Variants in SGCG observed in about 807,000 individuals in gnomAD.
The protein encoded by SGCG is sarcoglycan gamma.
In SGCG, 26 loss-of-function variants were observed where a neutral mutation model predicts 29.3. That is an observed-to-expected ratio of 0.89 (90% CI 0.65 to 1.23). SGCG has a LOEUF of 1.23. Ranked by LOEUF, SGCG falls within the 50% of genes most tolerant of loss-of-function variation. The probability of loss-of-function intolerance (pLI) is 0.00; values close to 1 mark genes in which losing one functional copy is unlikely to be tolerated. For missense variants in SGCG, 353 were observed against 356.0 expected (o/e 0.99, Z 0.07); for synonymous variants, 145 against 129.7 (o/e 1.12, Z -0.80).
chr13:23,321,015 AC>A (rs1883016119), intron 7 of SGCG, among the ~76,000 whole-genome samples: 1 of 151,894 alleles, frequency 6.6e-6, no homozygotes, highest in Admixed American at 6.6e-5. Context: ...TGATTTAGTG[AC>A]TTGTTATTTT....
At chr13:23,208,524 A>G (rs746716635) in intron 2 of SGCG, among the ~76,000 whole-genome samples, 3 of 152,154 alleles carry the variant, frequency 2.0e-5, no homozygotes, top group Non-Finnish European at 4.4e-5. Flanking sequence ...AAGAGAATAA[A>G]TCTGAATTCA....
chr13:23,162,198 AT>A, the SGCG span, among the ~76,000 whole-genome samples: 151 of 152,356 alleles, frequency 9.9e-4, 1 homozygote, highest in East Asian at 0.028. Flanking sequence ...ATTTAAGATC[AT>A]TTTTATTTAA....
chr13:23,200,870 C>G (rs1020361931), intron 1 of SGCG, among the ~76,000 whole-genome samples: 1 of 152,024 alleles, frequency 6.6e-6, no homozygotes, highest in African/African-American at 2.4e-5. Context: ...TTGGGGGACT[C>G]CTGGCCGAGT....
Position 23,260,986 on chromosome 13 carries a change from A to G in SGCG, c.385+10269A>G, listed in dbSNP as rs531613418. Among the ~76,000 whole-genome samples, 4 of 151,906 alleles carry G rather than the reference A, an allele frequency of 2.6e-5. No homozygotes were observed. The South Asian group carries it at 8.3e-4, about 32-fold the overall frequency. On this transcript the variant is annotated intron_variant, in intron 4 of 7. Transcript: ENST00000218867. ...CGTTAACATTTTTTCCTTCATTTCA[A>G]CCTTGGTGAATCTGACAATTATGTG...
intron 5 of SGCG, among the ~76,000 whole-genome samples, chr13:23,284,550 AT>A (rs1881425837): frequency 6.6e-6 from 1 of 152,106 alleles, no homozygotes; most frequent in African/African-American, 2.4e-5. Flanking sequence ...GGGTTATAAC[AT>A]GCTCCTTTAG....
chr13:23,181,995 G>A (rs928787307), intron 1 of SGCG, among the ~76,000 whole-genome samples: 1 of 152,082 alleles, frequency 6.6e-6, no homozygotes, highest in African/African-American at 2.4e-5. Context: ...TCGTTTTATA[G>A]GTTCTAGGAT....
intron 1 of SGCG, among the ~76,000 whole-genome samples, chr13:23,201,592 T>C (rs923798912): frequency 7.9e-5 from 12 of 152,180 alleles, no homozygotes; most frequent in Admixed American, 1.3e-4. Context: ...CCCTCCACCC[T>C]CCAGAAAAAC....
intron 6 of SGCG, among the ~76,000 whole-genome samples, chr13:23,317,947 A>G (rs1882887501): frequency 6.6e-6 from 1 of 152,140 alleles, no homozygotes; most frequent in African/African-American, 2.4e-5. Flanking sequence ...ACCCACCCTT[A>G]ATTGGGTGGG....
intron 1 of SGCG, among the ~76,000 whole-genome samples, chr13:23,191,177 A>G (rs553653842): frequency 5.9e-5 from 9 of 152,316 alleles, no homozygotes; most frequent in Admixed American, 2.6e-4. Context: ...GAGATCAGCC[A>G]TAGTAATTCC....
intron 4 of SGCG, among the ~76,000 whole-genome samples, chr13:23,275,145 A>ATATATATATAT (rs1462954999): frequency 5.4e-5 from 8 of 148,482 alleles, no homozygotes; most frequent in South Asian, 2.1e-4. Flanking sequence ...ATATATATAG[A>ATATATATATAT]AATGAGGACG....
At chr13:23,179,552 T>C (rs1876663665), upstream of SGCG, among the ~76,000 whole-genome samples, 1 of 152,210 alleles carries the variant, frequency 6.6e-6, no homozygotes, top group African/African-American at 2.4e-5. Flanking sequence ...CAAAAATACA[T>C]TTCATATCAT....
chr13:23,249,497 A>C (rs1190280241), intron 3 of SGCG, among the ~76,000 whole-genome samples: 1 of 152,226 alleles, frequency 6.6e-6, no homozygotes, highest in Non-Finnish European at 1.5e-5. Context: ...TTTTATTCAT[A>C]TCTAACTTCA....
intron 4 of SGCG, among the ~76,000 whole-genome samples, chr13:23,278,453 A>C (rs1881174441): frequency 6.6e-6 from 1 of 151,996 alleles, no homozygotes; most frequent in Non-Finnish European, 1.5e-5. Flanking sequence ...CAAAAAAAAA[A>C]AAAAAAAGAA....
intron 5 of SGCG, among the ~76,000 whole-genome samples, chr13:23,283,303 G>A (rs1248189010): frequency 6.6e-6 from 1 of 152,144 alleles, no homozygotes; most frequent in Non-Finnish European, 1.5e-5. Flanking sequence ...GGGTGCTCCT[G>A]TATTGGGTGC....
intron 5 of SGCG, among the ~76,000 whole-genome samples, chr13:23,283,798 A>T (rs971997931): frequency 2.0e-4 from 31 of 152,212 alleles, no homozygotes; most frequent in Non-Finnish European, 3.7e-4. Context: ...GAGCTCTTGT[A>T]AGGCAGGCCT....
At chr13:23,295,104 A>G (rs1441625092) in intron 5 of SGCG, among the ~76,000 whole-genome samples, 1 of 152,188 alleles carries the variant, frequency 6.6e-6, no homozygotes, top group African/African-American at 2.4e-5. Flanking sequence ...GGTGTATGCA[A>G]TTTTCAGAAG....
intron 7 of SGCG, among the ~76,000 whole-genome samples, chr13:23,322,906 G>A (rs1267903728): frequency 2.6e-5 from 4 of 151,852 alleles, no homozygotes; most frequent in Non-Finnish European, 5.9e-5. Context: ...ACTCTTATCC[G>A]GCCCTCTCTA....
chr13:23,297,442 G>A (rs1489875255), intron 6 of SGCG, among the ~76,000 whole-genome samples: 1 of 152,200 alleles, frequency 6.6e-6, no homozygotes, highest in African/African-American at 2.4e-5. Context: ...CGAGTCATTA[G>A]CATGGTTTCT....
At chr13:23,199,122 AT>A (rs1344181415) in intron 1 of SGCG, among the ~76,000 whole-genome samples, 16 of 149,008 alleles carry the variant, frequency 1.1e-4, no homozygotes, top group Middle Eastern at 3.2e-3. Context: ...AAAAAAAAAA[AT>A]TAAATATAGC....
Sources: gnomAD v4.1 joint callset for allele counts (sites outside exome capture counted in the v4.1 genomes callset) on GRCh38, gnomAD v4.1.1 for gene constraint, MANE v1.5 for transcripts, NCBI Gene and HGNC (gene_info 2026-07-23, HGNC 2026-07-21) for gene names.